The following SLIT3 variants were observed in gnomAD, a reference collection of about 807,000 sequenced individuals.
SLIT3 encodes the protein slit homolog 3 protein.
SLIT3 carries 68 observed loss-of-function variants against 184.0 expected under a neutral mutation model. The observed-to-expected ratio is 0.37, with a 90% CI of 0.30 to 0.45. The LOEUF (loss-of-function observed/expected upper bound fraction) is 0.45. Ranked by LOEUF, SLIT3 falls within the 20% of genes least tolerant of loss-of-function variation. The probability of loss-of-function intolerance (pLI) is 1.00; values close to 1 mark genes in which losing one functional copy is unlikely to be tolerated. For missense variants in SLIT3, 1,707 were observed against 2,026.0 expected, an observed-to-expected ratio of 0.84 and a Z score of 3.02; for synonymous variants, 831 against 828.6, an observed-to-expected ratio of 1.00 and a Z score of -0.05.
chr5:169,250,667 A>G (rs777501950), intron 2 of SLIT3, among the ~76,000 whole-genome samples: 4 of 152,258 alleles, frequency 2.6e-5, no homozygotes, highest in African/African-American at 7.2e-5. Flanking sequence ...GCAGTGGCCA[A>G]TTGGCCCAGT....
intron 3 of SLIT3, among the ~76,000 whole-genome samples, chr5:169,243,918 G>C (rs1359283262): frequency 1.3e-5 from 2 of 152,242 alleles, no homozygotes; most frequent in East Asian, 3.8e-4. Context: ...CCTGCTCAGA[G>C]GGCAGAAAGC....
chr5:168,844,722 C>A, intron 5 of SLIT3, 67 bp from the exon 6 acceptor site: 1 of 1,472,076 alleles, frequency 6.8e-7, no homozygotes, highest in Non-Finnish European at 9.5e-7. Flanking sequence ...CGGCCCAGGC[C>A]ACCCGAGCGC....
At chr5:169,225,593 G>A (rs1310661355) in intron 3 of SLIT3, among the ~76,000 whole-genome samples, 2 of 152,226 alleles carry the variant, frequency 1.3e-5, no homozygotes, top group African/African-American at 4.8e-5. Flanking sequence ...ACTAACAAAG[G>A]CCCCATAAGA....
At chr5:169,104,221 C>T (rs866379939) in intron 4 of SLIT3, among the ~76,000 whole-genome samples, 15 of 152,220 alleles carry the variant, frequency 9.9e-5, no homozygotes, top group South Asian at 8.3e-4. Flanking sequence ...CCCATGAAGC[C>T]GCGCCGGGAA....
At chr5:168,947,375 G>A (rs1419959758) in intron 4 of SLIT3, among the ~76,000 whole-genome samples, 1 of 152,146 alleles carries the variant, frequency 6.6e-6, no homozygotes, top group East Asian at 1.9e-4. Flanking sequence ...GGAGCTGCAG[G>A]GAGAGCCACC....
intron 4 of SLIT3, among the ~76,000 whole-genome samples, chr5:169,009,638 C>G (rs1157533941): frequency 6.6e-6 from 1 of 152,238 alleles, no homozygotes; most frequent in Non-Finnish European, 1.5e-5. Flanking sequence ...CTGATTAATG[C>G]TACATCCTAA....
intron 4 of SLIT3, among the ~76,000 whole-genome samples, chr5:169,126,651 GACA>G (rs1761091425): frequency 6.6e-6 from 1 of 152,170 alleles, no homozygotes; most frequent in Admixed American, 6.5e-5. Context: ...CCCTTGACAC[GACA>G]ACATTAACCA....
At chr5:169,084,134 C>A (rs1759184170) in intron 4 of SLIT3, among the ~76,000 whole-genome samples, 1 of 152,106 alleles carries the variant, frequency 6.6e-6, no homozygotes, top group South Asian at 2.1e-4. Context: ...TTAGAGACTC[C>A]TAGACAATAC....
chr5:169,105,768 C>A (rs1760180384), intron 4 of SLIT3, among the ~76,000 whole-genome samples: 1 of 152,156 alleles, frequency 6.6e-6, no homozygotes, highest in African/African-American at 2.4e-5. Context: ...CATCCATGTT[C>A]CTGCAAAGGA....
intron 4 of SLIT3, among the ~76,000 whole-genome samples, chr5:168,971,525 C>T (rs1424437199): frequency 1.3e-5 from 2 of 152,214 alleles, no homozygotes; most frequent in African/African-American, 2.4e-5. Flanking sequence ...TTCCCACTCC[C>T]AATCCCGAAA....
At position 169,019,150 on chromosome 5, in the gene SLIT3, G is replaced by A. The variant is rs551291971; in HGVS notation, c.414-135814C>T. Among the ~76,000 whole-genome samples, 12 of 152,300 alleles carry A rather than the reference G, an allele frequency of 7.9e-5. No homozygotes were observed. In the Middle Eastern group the frequency reaches 0.01, roughly 130 times the overall value. Reference sequence around the variant, plus strand: ...GGAAGTGACATGGCACTCAGAATTGGGATCTTCCAGCTGGGTCAACTCATT... The same window carrying A: ...GGAAGTGACATGGCACTCAGAATTGAGATCTTCCAGCTGGGTCAACTCATT... On this transcript the variant is annotated intron_variant, in intron 4 of 35. Transcript: ENST00000519560.
chr5:168,916,986 T>C (rs1248948853), intron 4 of SLIT3, among the ~76,000 whole-genome samples: 1 of 152,172 alleles, frequency 6.6e-6, no homozygotes, highest in Non-Finnish European at 1.5e-5. Context: ...CCCTCTCTCC[T>C]TCTGAACAGC....
At chr5:168,728,563 A>G (rs1034570860) in intron 20 of SLIT3, among the ~76,000 whole-genome samples, 30 of 152,100 alleles carry the variant, frequency 2.0e-4, no homozygotes, top group Non-Finnish European at 4.1e-4. Context: ...ACACAAATAA[A>G]TTAAAAAATC....
At chr5:169,044,712 G>C (rs1331141756) in intron 4 of SLIT3, among the ~76,000 whole-genome samples, 1 of 151,852 alleles carries the variant, frequency 6.6e-6, no homozygotes, top group African/African-American at 2.4e-5. Context: ...AGCACTGAAT[G>C]ATATAATTTA....
intron 18 of SLIT3, 94 bp from the exon 19 acceptor site, chr5:168,749,729 G>T (rs1482826275): frequency 7.3e-7 from 1 of 1,373,806 alleles, no homozygotes; most frequent in Non-Finnish European, 1.0e-6. Context: ...TAGCCAGGAA[G>T]GAGGAGGTCT....
chr5:169,182,856 G>A (rs1451458983), intron 4 of SLIT3, among the ~76,000 whole-genome samples: 5 of 152,256 alleles, frequency 3.3e-5, no homozygotes, highest in Admixed American at 2.6e-4. Context: ...TCTGGTTCTC[G>A]TTCTTAACAA....
At chr5:168,845,397 A>T (rs570478019) in intron 5 of SLIT3, among the ~76,000 whole-genome samples, 4 of 152,336 alleles carry the variant, frequency 2.6e-5, no homozygotes, top group Admixed American at 2.6e-4. Context: ...GGAAGCGTTC[A>T]TGAAGAGGGG....
intron 13 of SLIT3, among the ~76,000 whole-genome samples, chr5:168,773,190 C>A (rs951384613): frequency 6.6e-6 from 1 of 152,164 alleles, no homozygotes; most frequent in African/African-American, 2.4e-5. Context: ...TCTCCCAGCT[C>A]TTCCCACTTG....
At chr5:169,247,576 G>A (rs1765635174) in intron 2 of SLIT3, among the ~76,000 whole-genome samples, 1 of 152,182 alleles carries the variant, frequency 6.6e-6, no homozygotes, top group Admixed American at 6.5e-5. Context: ...GATGGGAATA[G>A]AAGAGATGCA....
Sources: gnomAD v4.1 joint callset for allele counts (sites outside exome capture counted in the v4.1 genomes callset) on GRCh38, gnomAD v4.1.1 for gene constraint, MANE v1.5 for transcripts, NCBI Gene and HGNC (gene_info 2026-07-23, HGNC 2026-07-21) for gene names.